The following DOCK9 variants were observed in gnomAD, a reference collection of about 807,000 sequenced individuals.
DOCK9 encodes the protein dedicator of cytokinesis protein 9.
A neutral mutation model predicts 263.3 loss-of-function variants in DOCK9; 89 were observed. The observed-to-expected ratio is 0.34, with a 90% CI of 0.28 to 0.40. The LOEUF is 0.40. Ranked by LOEUF, DOCK9 falls within the 10% of genes least tolerant of loss-of-function variation. The pLI is 1.00. For missense variants in DOCK9, 2,140 were observed against 2,603.4 expected (o/e 0.82, Z 3.87); for synonymous variants, 976 against 973.1 (o/e 1.00, Z -0.06).
At chr13:98,939,620 AGACG>A (rs2055483036) in intron 2 of DOCK9, among the ~76,000 whole-genome samples, 1 of 152,202 alleles carries the variant, frequency 6.6e-6, no homozygotes, top group South Asian at 2.1e-4. Context: ...AGAGCTCAGG[AGACG>A]GACGGACCTG....
intron 27 of DOCK9, among the ~76,000 whole-genome samples, chr13:98,877,935 G>A (rs1398141500): frequency 2.0e-5 from 3 of 152,214 alleles, no homozygotes; most frequent in Admixed American, 2.0e-4. Flanking sequence ...CTGGCGCCTC[G>A]TCATGGGCTG....
chr13:98,945,814 T>G (rs762822418), intron 2 of DOCK9, among the ~76,000 whole-genome samples: 3 of 152,134 alleles, frequency 2.0e-5, no homozygotes, highest in Non-Finnish European at 2.9e-5. Flanking sequence ...GGAGTTTACA[T>G]AAGAAGCAAG....
intron 15 of DOCK9, among the ~76,000 whole-genome samples, chr13:98,891,502 T>C (rs1325075397): frequency 1.3e-5 from 2 of 152,198 alleles, no homozygotes; most frequent in Non-Finnish European, 2.9e-5. Context: ...CACCTATGAA[T>C]GAACAGGCAT....
At chr13:98,805,643 G>A (rs545250242) in intron 48 of DOCK9, among the ~76,000 whole-genome samples, 14 of 152,312 alleles carry the variant, frequency 9.2e-5, no homozygotes, top group African/African-American at 3.1e-4. Flanking sequence ...GTTAGTTATA[G>A]ATATTTGTGT....
chr13:99,004,193 C>T (rs780590230), intron 1 of DOCK9, among the ~76,000 whole-genome samples: 1 of 152,194 alleles, frequency 6.6e-6, no homozygotes, highest in East Asian at 1.9e-4. Flanking sequence ...CCATATCCCA[C>T]GTGGCAGCCT....
In DOCK9 at chr13:98,874,037, T is replaced by C. The variant is rs543047093; in HGVS notation, c.2944-5660A>G. 2.0e-5 allele frequency among the ~76,000 whole-genome samples: 3 copies of C among 152,346 alleles called. No homozygotes were observed. In the East Asian group the frequency reaches 5.8e-4, roughly 29 times the overall value. ...CAGGTTTATTGAGGCATAATTTACA[T>C]ACCATAAAATTCAGACTTTAAAAGT... On this transcript the variant is annotated intron_variant, in intron 27 of 52. Transcript: ENST00000682017.
At chr13:98,919,580 T>C (rs2051543331) in intron 7 of DOCK9, among the ~76,000 whole-genome samples, 3 of 152,340 alleles carry the variant, frequency 2.0e-5, no homozygotes, top group South Asian at 4.1e-4. Flanking sequence ...CATGGAGTTA[T>C]CTGAAGGGAG....
chr13:98,868,353 C>T lies in DOCK9; in HGVS notation c.2968G>A (p.Ala990Thr). 6.2e-7 allele frequency: 1 copy of T among 1,612,346 alleles called. No homozygotes were observed. Among genetic ancestry groups the T allele is most frequent in the African/African-American group, 1.3e-5 (1 of 74,990 alleles). The change falls in exon 28 of 53, where the codon GCA (alanine) becomes ACA (threonine). Residue 990 changes from alanine to threonine, a missense_variant. Ala to Thr is a moderately conservative substitution (Grantham distance 58). Coordinates refer to ENST00000682017, the MANE Select transcript of DOCK9 (RefSeq NM_001366683.2). ...GTTTCCACTGCATGATGATAGGATG[C>T]AGGAAATCTCTGGTTTCGCAGCAAC... ...VKLLRNQRFP[A>T]SYHHAVETVV...
rs2088983306 is a variant in DOCK9 at position 98,793,657 on chromosome 13, C to A, written c.*969G>T. 1 of 152,586 alleles carries A rather than the reference C, an allele frequency of 6.6e-6. No homozygotes were observed. Among genetic ancestry groups the A allele is most frequent in the African/African-American group, 2.4e-5 (1 of 41,420 alleles). 9.5% of individuals were successfully genotyped at this position (152,586 alleles called of 1,614,324 possible). ...TGGTGACAGCTTTAAAGTACACCACCATTCACCACAGGATTTATGATTTAC... is the reference window on the plus strand; with the variant it reads ...TGGTGACAGCTTTAAAGTACACCACAATTCACCACAGGATTTATGATTTAC... On this transcript the variant is annotated 3_prime_UTR_variant, in exon 53 of 53. Coordinates refer to ENST00000682017, the MANE Select transcript of DOCK9 (RefSeq NM_001366683.2).
chr13:98,895,438 G>A (rs961931207), intron 15 of DOCK9, among the ~76,000 whole-genome samples: 9 of 152,022 alleles, frequency 5.9e-5, no homozygotes, highest in African/African-American at 1.2e-4. Context: ...AGGCTGAGGC[G>A]GGCAGATCAC....
chr13:98,896,808 A>G (rs1287156963), intron 15 of DOCK9, among the ~76,000 whole-genome samples: 1 of 152,196 alleles, frequency 6.6e-6, no homozygotes, highest in Non-Finnish European at 1.5e-5. Context: ...TATGGGTTGA[A>G]TTGTGTCCTC....
intron 1 of DOCK9, among the ~76,000 whole-genome samples, chr13:99,042,883 A>G (rs1402362465): frequency 6.6e-6 from 1 of 152,114 alleles, no homozygotes; most frequent in Non-Finnish European, 1.5e-5. Context: ...AAACAGGCAG[A>G]TCTTTTGCCA....
chr13:98,972,857 A>G (rs964363043), intron 1 of DOCK9, among the ~76,000 whole-genome samples: 4 of 152,228 alleles, frequency 2.6e-5, no homozygotes, highest in Non-Finnish European at 4.4e-5. Context: ...TTCCTTCCTC[A>G]TGCCTTGCTG....
intron 1 of DOCK9, among the ~76,000 whole-genome samples, chr13:99,003,223 G>A (rs970634833): frequency 2.5e-4 from 38 of 152,146 alleles, no homozygotes; most frequent in African/African-American, 9.2e-4. Flanking sequence ...GAGGCAAGAG[G>A]CTTAAACAAA....
chr13:98,808,348 T>C (rs1262751822), intron 47 of DOCK9, among the ~76,000 whole-genome samples: 1 of 152,176 alleles, frequency 6.6e-6, no homozygotes, highest in Non-Finnish European at 1.5e-5. Flanking sequence ...TATCAGAAAA[T>C]ATTTTCATAT....
At chr13:98,818,474 C>A (rs2092048647) in intron 45 of DOCK9, among the ~76,000 whole-genome samples, 1 of 152,064 alleles carries the variant, frequency 6.6e-6, no homozygotes, top group South Asian at 2.1e-4. Context: ...ATAGTGATAA[C>A]CTTATAGGGC....
intron 30 of DOCK9, among the ~76,000 whole-genome samples, chr13:98,866,011 CA>C (rs910317844): frequency 3.3e-5 from 5 of 152,156 alleles, no homozygotes; most frequent in African/African-American, 1.2e-4. Flanking sequence ...AGGGTTAGAT[CA>C]GGGGACACTG....
chr13:98,897,697 T>C, intron 14 of DOCK9, 87 bp from the exon 15 acceptor site: 1 of 1,529,202 alleles, frequency 6.5e-7, no homozygotes, highest in Non-Finnish European at 8.8e-7. Context: ...ATGAGAAGTC[T>C]AATTATTATT....
chr13:98,897,205 G>C (rs748868477), intron 15 of DOCK9, among the ~76,000 whole-genome samples: 11 of 152,056 alleles, frequency 7.2e-5, no homozygotes, highest in Non-Finnish European at 8.8e-5. Context: ...CTCACCTCTT[G>C]ACAAGGTTCC....
Sources: allele counts gnomAD v4.1 joint callset (sites outside exome capture counted in the v4.1 genomes callset), GRCh38; gene constraint gnomAD v4.1.1; transcripts MANE v1.5; gene names NCBI Gene and HGNC (gene_info 2026-07-23, HGNC 2026-07-21).